The following PIK3CD variants were observed in gnomAD, a reference collection of about 807,000 sequenced individuals.
PIK3CD encodes phosphatidylinositol 4,5-bisphosphate 3-kinase catalytic subunit delta isoform.
Under a neutral mutation model 122.9 loss-of-function variants are expected in PIK3CD, and 20 were observed. That is an observed-to-expected ratio of 0.16 (90% CI 0.11 to 0.24). PIK3CD has a LOEUF of 0.24. PIK3CD is among the 10% of genes least tolerant of loss of function. The pLI, the probability that PIK3CD is intolerant of heterozygous loss-of-function variation, is 1.00. For missense variants in PIK3CD, 787 were observed against 1,406.3 expected, an observed-to-expected ratio of 0.56 and a Z score of 7.04; for synonymous variants, 596 against 593.4, an observed-to-expected ratio of 1.00 and a Z score of -0.06.
chr1:9,630,029 C>T, the PIK3CD span, among the ~76,000 whole-genome samples: 1 of 152,370 alleles, frequency 6.6e-6, no homozygotes, highest in Admixed American at 6.5e-5. Flanking sequence ...ACTCTGCACT[C>T]TCCAGCTCAG....
chr1:9,655,704 T>A, intron 1 of PIK3CD, among the ~76,000 whole-genome samples: 1 of 147,884 alleles, frequency 6.8e-6, no homozygotes, highest in Non-Finnish European at 1.5e-5. Context: ...CTTCTTTTTT[T>A]TTTTTTTTTT....
intron 1 of PIK3CD, among the ~76,000 whole-genome samples, chr1:9,655,437 G>T: frequency 7.5e-6 from 1 of 134,156 alleles, no homozygotes; most frequent in African/African-American, 2.9e-5. Context: ...AAAAACCCAG[G>T]AACCCCCCGC....
intron 1 of PIK3CD, among the ~76,000 whole-genome samples, chr1:9,680,367 T>C (rs1645702774): frequency 6.6e-6 from 1 of 152,036 alleles, no homozygotes; most frequent in African/African-American, 2.4e-5. Flanking sequence ...ATCCAAGCAC[T>C]TTGGGAGGCT....
At chr1:9,637,156 C>A in the PIK3CD span, among the ~76,000 whole-genome samples, 1 of 152,146 alleles carries the variant, frequency 6.6e-6, no homozygotes, top group African/African-American at 2.4e-5. Flanking sequence ...CTTGGCCTCC[C>A]AAAGTGCTGG....
At chr1:9,630,934 A>C in the PIK3CD span, among the ~76,000 whole-genome samples, 1 of 152,118 alleles carries the variant, frequency 6.6e-6, no homozygotes, top group Admixed American at 6.6e-5. Context: ...GGCTCCATTC[A>C]GATGATTGGT....
intron 5 of PIK3CD, 173 bp downstream of exon 5, chr1:9,716,251 A>G (rs1298868981): frequency 3.7e-6 from 3 of 810,692 alleles, no homozygotes; most frequent in Non-Finnish European, 6.1e-6. Context: ...GGCAAGCTCA[A>G]CGTGGCAGGA....
In PIK3CD at chr1:9,720,404, G is replaced by T. The variant is rs72871212; in HGVS notation, c.1470+162G>T. 2 of 1,366,580 alleles carry T rather than the reference G, an allele frequency of 1.5e-6. No homozygotes were observed. Among genetic ancestry groups the T allele is most frequent in the East Asian group, 2.5e-5 (1 of 39,562 alleles). The allele number at this position is 1,366,580 out of a possible 1,614,324, so 84.7% of individuals were successfully genotyped here. On this transcript the variant is annotated intron_variant, in intron 11 of 23. Coordinates refer to ENST00000377346, the MANE Select transcript of PIK3CD (RefSeq NM_005026.5). The surrounding 1 kb of genome is among the most constrained non-coding windows in gnomAD (Gnocchi z 9.0). Reference sequence around the variant, plus strand: ...GCCATTTTGCCTGCAGGGATGCTGCGCAGTCTGATGACATTTTCGGTTGTC... The same window carrying T: ...GCCATTTTGCCTGCAGGGATGCTGCTCAGTCTGATGACATTTTCGGTTGTC...
intron 2 of PIK3CD, among the ~76,000 whole-genome samples, chr1:9,701,940 ATTC>A (rs929557648): frequency 2.6e-5 from 4 of 151,724 alleles, no homozygotes; most frequent in Admixed American, 6.6e-5. Context: ...TGCCCAGAAC[ATTC>A]TTCTACAGCT....
At position 9,656,398 on chromosome 1, in the gene PIK3CD, G is replaced by C. The variant is rs1026239216; in HGVS notation, c.-138+4596G>C. On this transcript the variant is annotated intron_variant, in intron 1 of 23. Coordinates refer to ENST00000377346, the MANE Select transcript of PIK3CD (RefSeq NM_005026.5). The stretch of plus-strand genomic sequence containing the variant: ...TGGCACTCAAAAATTTTGGATTTTG[G>C]AACGTTGTAGATTTCAGATTTGGGA... Among the ~76,000 whole-genome samples, 9 of 152,166 alleles carry C rather than the reference G, an allele frequency of 5.9e-5. 1 individual carries two copies. Among genetic ancestry groups the C allele is most frequent in the Admixed American group, 4.6e-4 (7 of 15,266 alleles).
chr1:9,673,075 G>A (rs948308440), intron 1 of PIK3CD, among the ~76,000 whole-genome samples: 8 of 150,250 alleles, frequency 5.3e-5, no homozygotes, highest in Admixed American at 2.0e-4. Context: ...TACATGCAAC[G>A]TATAATCCAC....
intron 1 of PIK3CD, among the ~76,000 whole-genome samples, chr1:9,666,948 C>G (rs1442504075): frequency 1.3e-5 from 2 of 152,030 alleles, no homozygotes; most frequent in East Asian, 3.9e-4. Flanking sequence ...TCACTGCAAC[C>G]TCTGCCTCCT....
At chr1:9,653,681 T>C (rs951895140) in intron 1 of PIK3CD, 1 of 668,214 alleles carries the variant, frequency 1.5e-6, no homozygotes. Flanking sequence ...TTGATGAGGC[T>C]GCGACCAAAC....
rs141410599 is a variant in PIK3CD, at chr1:9,722,667, C to T, written c.2426+61C>T. Reference sequence around the variant, plus strand: ...TGTGCCCAGCCTGGGAGTCTGTGCCCCTGGAGGGGTCCTTGTTGAAGGTGG... The same window carrying T: ...TGTGCCCAGCCTGGGAGTCTGTGCCTCTGGAGGGGTCCTTGTTGAAGGTGG... On this transcript the variant is annotated intron_variant, in intron 19 of 23. Transcript: ENST00000377346. The surrounding 1 kb of genome is among the most constrained non-coding windows in gnomAD (Gnocchi z 7.6). The T allele has an allele frequency of 9.4e-4, 1,289 of 1,377,410 alleles. 4 individuals are homozygous for T. Among genetic ancestry groups the T allele is most frequent in the Middle Eastern group, 2.5e-3 (14 of 5,626 alleles). The allele number at this position is 1,377,410 out of a possible 1,614,324, so 85.3% of individuals were successfully genotyped here.
Position 9,726,939 on chromosome 1 carries a change from G to A in PIK3CD, c.3028G>A (p.Glu1010Lys). The A allele has an allele frequency of 1.9e-6, 3 of 1,613,914 alleles. No individual in the cohort carries two copies. The highest frequency in any genetic ancestry group is 2.5e-6 in the Non-Finnish European group (3 of 1,179,886). Residue 1010 changes from glutamate (E) to lysine (K), a missense_variant, in exon 24 of 24, where the codon GAG becomes AAG. By Grantham distance (56) the Glu-to-Lys change is moderately conservative. Around this residue, in one of 6 missense-constraint regions of PIK3CD, gnomAD observed 60 missense variants for 129.5 expected, o/e 0.46. Transcript: ENST00000377346. ...DSLALGKTEE[E>K]ALKHFRVKFN... Reference sequence around the variant, plus strand: ...CCTGGCACTGGGGAAAACAGAGGAGGAGGCACTGAAGCACTTCCGAGTGAA... The same window carrying A: ...CCTGGCACTGGGGAAAACAGAGGAGAAGGCACTGAAGCACTTCCGAGTGAA...
In PIK3CD at chr1:9,721,788, C is replaced by T. The variant is rs771457935; in HGVS notation, c.1983C>T (p.Ala661=). ...LRSEMHVPSV[A]LRFGLILEAY... ...CCGAGATGCACGTGCCGTCGGTGGC[C>T]CTGCGCTTCGGCCTCATCCTGGAGG... is the stretch of plus-strand genomic sequence containing the variant. The change falls in exon 16 of 24, where the codon GCC becomes GCT. Residue 661 remains alanine (A), a synonymous_variant. Coordinates refer to ENST00000377346, the MANE Select transcript of PIK3CD (RefSeq NM_005026.5). The T allele has an allele frequency of 1.7e-5, 28 of 1,613,118 alleles. No homozygotes were observed. Among genetic ancestry groups the T allele is most frequent in the Non-Finnish European group, 2.2e-5 (26 of 1,179,964 alleles).
intron 2 of PIK3CD, among the ~76,000 whole-genome samples, chr1:9,697,298 T>C (rs1410444333): frequency 2.0e-5 from 3 of 152,128 alleles, no homozygotes. Flanking sequence ...GATAAATACT[T>C]AAGCAACTGA....
Position 9,726,344 on chromosome 1 carries a change from T to TAA in PIK3CD, c.2998-560_2998-559dup, listed in dbSNP as rs542264110. Among the ~76,000 whole-genome samples the TAA allele has an allele frequency of 4.6e-5, 7 of 151,256 alleles. No individual in the cohort carries two copies. The South Asian group carries it at 1.5e-3, about 32-fold the overall frequency. On this transcript the variant is annotated intron_variant, in intron 23 of 23. Transcript: ENST00000377346. ...TAACACGGTGAAACCCCGTCTCTACTAAAAAATACAAAAAATTAGCCAGGT... is the reference window on the plus strand; with the variant it reads ...TAACACGGTGAAACCCCGTCTCTACTAAAAAAAATACAAAAAATTAGCCAGGT...
chr1:9,714,530 G>A (rs1458276046), intron 3 of PIK3CD, among the ~76,000 whole-genome samples: 1 of 152,100 alleles, frequency 6.6e-6, no homozygotes, highest in African/African-American at 2.4e-5. Context: ...ATGGAAATGG[G>A]CTTGACCCAC....
chr1:9,664,864 CCTTGACAT>C (rs1450193869), intron 1 of PIK3CD, among the ~76,000 whole-genome samples: 4 of 152,082 alleles, frequency 2.6e-5, no homozygotes, highest in African/African-American at 7.2e-5. Flanking sequence ...TAGAGTGTTT[CCTTGACAT>C]CACCTGAGAT....
Sources: gnomAD v4.1 joint callset for allele counts (sites outside exome capture counted in the v4.1 genomes callset) on GRCh38, gnomAD v4.1.1 for gene constraint, gnomAD v4.1.1 regional missense constraint, Gnocchi (gnomAD v3.1) non-coding constraint, MANE v1.5 for transcripts, NCBI Gene and HGNC (gene_info 2026-07-23, HGNC 2026-07-21) for gene names.